The following OR2L13 variants were observed in gnomAD, a reference collection of about 807,000 sequenced individuals.
The protein encoded by OR2L13 is olfactory receptor family 2 subfamily L member 13.
OR2L13 carries 14 observed loss-of-function variants against 15.3 expected under a neutral mutation model. That is an observed-to-expected ratio of 0.91 (90% CI 0.60 to 1.43). The LOEUF is 1.43. Ranked by LOEUF, OR2L13 falls within the 40% of genes most tolerant of loss-of-function variation. The pLI, the probability that OR2L13 is intolerant of heterozygous loss-of-function variation, is 0.00. For synonymous variants in OR2L13, 152 were observed against 142.9 expected (o/e 1.06, Z -0.45); for missense variants, 367 against 387.9 (o/e 0.95, Z 0.45).
chr1:247,946,720 G>A, the OR2L13 span, among the ~76,000 whole-genome samples: 2 of 151,920 alleles, frequency 1.3e-5, no homozygotes, highest in South Asian at 2.1e-4. Flanking sequence ...CATGGATAGC[G>A]ACCTGCTCCC....
the OR2L13 span, among the ~76,000 whole-genome samples, chr1:248,050,349 A>G: frequency 5.5e-3 from 839 of 152,328 alleles, 9 homozygotes; most frequent in African/African-American, 0.019. Flanking sequence ...TACAAAAGTA[A>G]AAGGGCCAGA....
the OR2L13 span, among the ~76,000 whole-genome samples, chr1:248,018,167 A>C: frequency 7.2e-4 from 109 of 151,068 alleles, 1 homozygote; most frequent in African/African-American, 2.6e-3. Flanking sequence ...AAATAAAAAA[A>C]AAAATTCGTT....
chr1:247,988,018 T>A, the OR2L13 span, among the ~76,000 whole-genome samples: 1 of 152,156 alleles, frequency 6.6e-6, no homozygotes, highest in Non-Finnish European at 1.5e-5. Flanking sequence ...ATAATTAAAA[T>A]TTTTAGAAGT....
the OR2L13 span, among the ~76,000 whole-genome samples, chr1:248,072,443 G>C: frequency 6.6e-6 from 1 of 152,158 alleles, no homozygotes; most frequent in Non-Finnish European, 1.5e-5. Context: ...GCTGAAACTG[G>C]ATCCCTTCCT....
At chr1:248,008,847 A>G in the OR2L13 span, among the ~76,000 whole-genome samples, 1 of 152,266 alleles carries the variant, frequency 6.6e-6, no homozygotes, top group South Asian at 2.1e-4. Context: ...CCCTCAGACC[A>G]CAGTGCAATC....
the OR2L13 span, chr1:248,084,690 T>G: frequency 2.7e-6 from 4 of 1,487,920 alleles, no homozygotes; most frequent in Non-Finnish European, 3.6e-6. Flanking sequence ...TTTTTTTTCA[T>G]AGAAAATTCA....
At chr1:248,022,454 G>A in the OR2L13 span, 2 of 1,614,148 alleles carry the variant, frequency 1.2e-6, no homozygotes, top group Non-Finnish European at 1.7e-6. Context: ...CATATTGCAA[G>A]TCCAGAGCCA....
chr1:248,021,662 A>C, the OR2L13 span, among the ~76,000 whole-genome samples: 1 of 152,248 alleles, frequency 6.6e-6, no homozygotes, highest in Admixed American at 6.5e-5. Flanking sequence ...TGAGAAAAAG[A>C]AAAAGATAGA....
chr1:248,082,636 C>T, the OR2L13 span, among the ~76,000 whole-genome samples: 4 of 152,154 alleles, frequency 2.6e-5, no homozygotes, highest in Admixed American at 2.0e-4. Context: ...CAGCTTTCTG[C>T]CATCATTATC....
At chr1:248,091,399 G>A (rs1339069170), upstream of OR2L13, among the ~76,000 whole-genome samples, 2 of 146,678 alleles carry the variant, frequency 1.4e-5, no homozygotes, top group Non-Finnish European at 3.0e-5. Flanking sequence ...TTATTTTTCA[G>A]AGTACTTAGA....
At chr1:248,083,770 A>G in the OR2L13 span, 1 of 1,613,916 alleles carries the variant, frequency 6.2e-7, no homozygotes, top group Non-Finnish European at 8.5e-7. Flanking sequence ...AACATACTAT[A>G]GAAGGCTGAC....
At chr1:248,088,402 G>T in the OR2L13 span, among the ~76,000 whole-genome samples, 1 of 151,938 alleles carries the variant, frequency 6.6e-6, no homozygotes, top group African/African-American at 2.4e-5. Flanking sequence ...TATTTCTTAC[G>T]CATTTCATGA....
At chr1:248,066,424 T>G in the OR2L13 span, among the ~76,000 whole-genome samples, 2 of 151,452 alleles carry the variant, frequency 1.3e-5, no homozygotes, top group African/African-American at 4.9e-5. Context: ...CACTACTAAC[T>G]TTTTTTTTAC....
the OR2L13 span, among the ~76,000 whole-genome samples, chr1:247,957,666 C>T: frequency 6.6e-6 from 1 of 152,134 alleles, no homozygotes; most frequent in Non-Finnish European, 1.5e-5. Context: ...CTGGTTTAGC[C>T]TTAGGAGGGT....
chr1:248,081,564 G>A, the OR2L13 span, among the ~76,000 whole-genome samples: 23 of 152,114 alleles, frequency 1.5e-4, no homozygotes, highest in Non-Finnish European at 2.5e-4. Flanking sequence ...AAATTTCCGC[G>A]ACAACATGTA....
the OR2L13 span, among the ~76,000 whole-genome samples, chr1:248,076,715 T>C: frequency 6.6e-6 from 1 of 152,232 alleles, no homozygotes; most frequent in South Asian, 2.1e-4. Flanking sequence ...TTTGCTGAAG[T>C]TGCTTATCAG....
At chr1:247,989,377 A>T in the OR2L13 span, among the ~76,000 whole-genome samples, 662 of 152,282 alleles carry the variant, frequency 4.3e-3, 4 homozygotes, top group African/African-American at 0.014. Context: ...AAGTAGTGCT[A>T]AATTGTTCAT....
chr1:248,058,467 A>G, the OR2L13 span, among the ~76,000 whole-genome samples: 3 of 152,134 alleles, frequency 2.0e-5, no homozygotes, highest in African/African-American at 7.2e-5. Flanking sequence ...GGTTGACAAC[A>G]TCATTTCATC....
chr1:247,939,586 A>G, the OR2L13 span: 2 of 152,188 alleles, frequency 1.3e-5, no homozygotes, highest in Non-Finnish European at 2.9e-5. Flanking sequence ...AATGAAAAAT[A>G]TGCTCTAGAG....
Sources: gnomAD v4.1 joint callset for allele counts (sites outside exome capture counted in the v4.1 genomes callset) on GRCh38, gnomAD v4.1.1 for gene constraint, MANE v1.5 for transcripts, NCBI Gene and HGNC (gene_info 2026-07-23, HGNC 2026-07-21) for gene names.